The following LDB2 variants were observed in gnomAD, a reference collection of about 807,000 sequenced individuals.
The protein encoded by LDB2 is LIM domain binding 2.
Under a neutral mutation model 44.3 loss-of-function variants are expected in LDB2, and 12 were observed. The ratio of observed to expected loss-of-function variants is 0.27; its 90% CI spans 0.17 to 0.44. The LOEUF is 0.44. LDB2 is among the 20% of genes least tolerant of loss of function. The pLI, the probability that LDB2 is intolerant of heterozygous loss-of-function variation, is 1.00. For synonymous variants in LDB2, 164 were observed against 174.8 expected (o/e 0.94, Z 0.49); for missense variants, 344 against 473.5 (o/e 0.73, Z 2.54).
chr4:16,618,042 G>A (rs116126215), intron 2 of LDB2, among the ~76,000 whole-genome samples: 2,179 of 152,080 alleles, frequency 0.014, 18 homozygotes, highest in Middle Eastern at 0.048. Flanking sequence ...TTCCTCCAGG[G>A]TGCCTTCTCT....
chr4:16,839,923 A>G (rs750242433), intron 1 of LDB2, among the ~76,000 whole-genome samples: 1 of 152,162 alleles, frequency 6.6e-6, no homozygotes, highest in Non-Finnish European at 1.5e-5. Flanking sequence ...ATACACACAC[A>G]TGCACATTTT....
chr4:16,586,003 T>C lies in LDB2; in HGVS notation c.534A>G (p.Ala178=), dbSNP rs1469776570. The C allele has an allele frequency of 6.2e-7, 1 of 1,613,492 alleles. No individual in the cohort carries two copies. The highest frequency in any genetic ancestry group is 1.7e-5 in the Admixed American group (1 of 59,996). Residue 178 remains alanine (A), a splice_region_variant and synonymous_variant, in exon 5 of 8, where the codon GCA becomes GCG. Coordinates refer to ENST00000304523, the MANE Select transcript of LDB2 (RefSeq NM_001290.5). ...GCTGATCCAGGACCTGAGGATCTTG[T>C]GCCTAAATGGAAAAAAAACCCCACA... is the stretch of plus-strand genomic sequence containing the variant. ...LVPRSILAMH[A]QDPQVLDQLS... is the part of the protein sequence containing the mutation.
intron 2 of LDB2, among the ~76,000 whole-genome samples, chr4:16,668,544 G>T (rs1041583014): frequency 2.0e-5 from 3 of 152,016 alleles, no homozygotes; most frequent in East Asian, 3.9e-4. Flanking sequence ...ACTACACTTT[G>T]GTTTTCTAAC....
intron 5 of LDB2, among the ~76,000 whole-genome samples, chr4:16,539,704 G>C (rs564103215): frequency 8.8e-4 from 134 of 152,156 alleles, no homozygotes; most frequent in Non-Finnish European, 1.7e-3. Flanking sequence ...TTCATCTAGA[G>C]TCCAAAACTC....
At chr4:16,785,292 T>C (rs923622462) in intron 1 of LDB2, among the ~76,000 whole-genome samples, 1 of 152,142 alleles carries the variant, frequency 6.6e-6, no homozygotes, top group African/African-American at 2.4e-5. Context: ...TAGCAGAGAC[T>C]GAAGCAGGCA....
chr4:16,539,081 T>C (rs946609696), intron 5 of LDB2, among the ~76,000 whole-genome samples: 2 of 151,174 alleles, frequency 1.3e-5, no homozygotes, highest in Admixed American at 1.3e-4. Flanking sequence ...TTAAGTGATA[T>C]GTAGGCAAAG....
At chr4:16,534,082 G>A (rs894633714) in intron 5 of LDB2, among the ~76,000 whole-genome samples, 12 of 152,110 alleles carry the variant, frequency 7.9e-5, no homozygotes, top group African/African-American at 2.7e-4. Context: ...AACTTGGGGG[G>A]CAGGGGTGTC....
chr4:16,829,164 G>T, intron 1 of LDB2, among the ~76,000 whole-genome samples: 1 of 152,172 alleles, frequency 6.6e-6, no homozygotes, highest in East Asian at 1.9e-4. Flanking sequence ...CAGGAAAAAA[G>T]AACTCTAGGA....
chr4:16,570,373 G>T (rs915586651), intron 5 of LDB2, among the ~76,000 whole-genome samples: 2 of 142,782 alleles, frequency 1.4e-5, no homozygotes, highest in Non-Finnish European at 3.0e-5. Flanking sequence ...TGAGGCAGGA[G>T]AATGGTGTGA....
At chr4:16,579,987 G>A (rs995246061) in intron 5 of LDB2, among the ~76,000 whole-genome samples, 4 of 152,194 alleles carry the variant, frequency 2.6e-5, no homozygotes, top group Admixed American at 1.3e-4. Context: ...TACCCCAGCT[G>A]AGAGTCAGAG....
intron 5 of LDB2, among the ~76,000 whole-genome samples, chr4:16,548,187 A>G (rs905857485): frequency 1.8e-4 from 28 of 152,126 alleles, no homozygotes; most frequent in Admixed American, 9.8e-4. Flanking sequence ...ATCTGGGGAT[A>G]AAGACACAGG....
At chr4:16,545,626 C>T (rs1003408268) in intron 5 of LDB2, among the ~76,000 whole-genome samples, 1 of 152,166 alleles carries the variant, frequency 6.6e-6, no homozygotes, top group Non-Finnish European at 1.5e-5. Context: ...TTTTGATACC[C>T]TCATGGGGAC....
intron 2 of LDB2, among the ~76,000 whole-genome samples, chr4:16,729,822 C>T (rs1009462599): frequency 2.0e-4 from 30 of 152,186 alleles, no homozygotes; most frequent in Admixed American, 2.0e-4. Context: ...ACTGAGCACA[C>T]TTCACCCCTT....
intron 5 of LDB2, among the ~76,000 whole-genome samples, chr4:16,513,511 G>A (rs999418685): frequency 1.3e-5 from 2 of 152,144 alleles, no homozygotes; most frequent in Non-Finnish European, 2.9e-5. Flanking sequence ...TAACTCAAAC[G>A]AATAGATGCA....
chr4:16,614,580 C>CAAAAAAAA (rs1164613202), intron 2 of LDB2, among the ~76,000 whole-genome samples: 250 of 53,512 alleles, frequency 4.7e-3, no homozygotes, highest in East Asian at 6.5e-3. Context: ...CAAGAAAAAA[C>CAAAAAAAA]AAAAAAAAAA....
intron 2 of LDB2, among the ~76,000 whole-genome samples, chr4:16,685,270 G>A (rs1375337028): frequency 1.3e-5 from 2 of 152,324 alleles, no homozygotes; most frequent in Non-Finnish European, 1.5e-5. Context: ...TGGAGGATGC[G>A]ATCCTCACTC....
At chr4:16,714,018 G>T (rs1224294671) in intron 2 of LDB2, among the ~76,000 whole-genome samples, 1 of 152,130 alleles carries the variant, frequency 6.6e-6, no homozygotes, top group Non-Finnish European at 1.5e-5. Context: ...TCATTCACCG[G>T]CGAGAAGATA....
At chr4:16,779,108 G>A (rs1311632446) in intron 1 of LDB2, among the ~76,000 whole-genome samples, 1 of 152,144 alleles carries the variant, frequency 6.6e-6, no homozygotes, top group Non-Finnish European at 1.5e-5. Flanking sequence ...ACTTAGCCTG[G>A]CCATAAAGCT....
intron 5 of LDB2, among the ~76,000 whole-genome samples, chr4:16,577,703 A>G (rs900753864): frequency 6.6e-6 from 1 of 152,186 alleles, no homozygotes; most frequent in African/African-American, 2.4e-5. Flanking sequence ...CATTCTTCAC[A>G]AAAACACAGA....
Sources: allele counts gnomAD v4.1 joint callset (sites outside exome capture counted in the v4.1 genomes callset), GRCh38; gene constraint gnomAD v4.1.1; transcripts MANE v1.5; gene names NCBI Gene and HGNC (gene_info 2026-07-23, HGNC 2026-07-21).